Variants in SORCS3 observed in about 807,000 individuals in gnomAD.
SORCS3 encodes VPS10 domain-containing receptor SorCS3.
A neutral mutation model predicts 146.3 loss-of-function variants in SORCS3; 57 were observed. The ratio of observed to expected loss-of-function variants is 0.39; its 90% confidence interval spans 0.31 to 0.49. SORCS3 has a LOEUF of 0.49. Ranked by LOEUF, SORCS3 falls within the 20% of genes least tolerant of loss-of-function variation. The probability of loss-of-function intolerance (pLI) is 0.92; values close to 1 mark genes in which losing one functional copy is unlikely to be tolerated. For synonymous variants in SORCS3, 653 were observed against 618.5 expected (o/e 1.06, Z -0.83); for missense variants, 1,341 against 1,575.5 (o/e 0.85, Z 2.52).
intron 1 of SORCS3, among the ~76,000 whole-genome samples, chr10:104,775,436 C>G (rs1164602902): frequency 1.3e-5 from 2 of 152,144 alleles, no homozygotes; most frequent in African/African-American, 4.8e-5. Flanking sequence ...TTCCTGCTTG[C>G]AAGACATCTG....
intron 1 of SORCS3, among the ~76,000 whole-genome samples, chr10:104,719,425 T>C (rs2016517829): frequency 1.3e-5 from 2 of 152,208 alleles, no homozygotes; most frequent in African/African-American, 4.8e-5. Context: ...AGCTATGTCT[T>C]TTTACTTCCG....
In SORCS3 at chr10:104,862,749, G is replaced by GT. The variant is rs1040595750; in HGVS notation, c.695+19897dup. Among the ~76,000 whole-genome samples, 6 of 152,106 alleles carry GT rather than the reference G, an allele frequency of 3.9e-5. 1 individual carries two copies. The highest frequency in any genetic ancestry group is 4.2e-4 in the South Asian group (2 of 4,816). ...CAGATGCCAATATTCCCCTCATTCA[G>GT]TTTTTTTACCTGTTATCATAGTATT... is the stretch of plus-strand genomic sequence containing the variant. On this transcript the variant is annotated intron_variant, in intron 2 of 26. Coordinates refer to ENST00000369701, the MANE Select transcript of SORCS3 (RefSeq NM_014978.3).
intron 1 of SORCS3, among the ~76,000 whole-genome samples, chr10:104,683,306 A>G (rs1413596855): frequency 6.6e-6 from 1 of 152,196 alleles, no homozygotes; most frequent in Admixed American, 6.5e-5. Context: ...TAGAGACAGG[A>G]TACACTTCTC....
chr10:105,126,735 G>A (rs556376762), intron 7 of SORCS3, among the ~76,000 whole-genome samples: 1 of 152,224 alleles, frequency 6.6e-6, no homozygotes, highest in East Asian at 1.9e-4. Flanking sequence ...CCCTTACTTA[G>A]TTGTCCCCTT....
intron 7 of SORCS3, among the ~76,000 whole-genome samples, chr10:105,112,164 C>G (rs1205835436): frequency 6.6e-6 from 1 of 152,082 alleles, no homozygotes; most frequent in Non-Finnish European, 1.5e-5. Context: ...TTATGCTTTG[C>G]CATAGGCCAT....
intron 3 of SORCS3, among the ~76,000 whole-genome samples, chr10:104,976,624 C>T (rs937209162): frequency 2.0e-5 from 3 of 152,242 alleles, no homozygotes; most frequent in Non-Finnish European, 2.9e-5. Context: ...ATGTTTATTG[C>T]AGCACTATTC....
chr10:105,069,462 C>T (rs766184918), intron 5 of SORCS3, among the ~76,000 whole-genome samples: 8 of 152,084 alleles, frequency 5.3e-5, no homozygotes, highest in African/African-American at 1.7e-4. Flanking sequence ...AGCCTAATGT[C>T]GATAATAATG....
intron 1 of SORCS3, among the ~76,000 whole-genome samples, chr10:104,646,726 T>C (rs2015499786): frequency 6.6e-6 from 1 of 152,112 alleles, no homozygotes; most frequent in Admixed American, 6.5e-5. Context: ...AAAGGAGGAT[T>C]CTGCAGTAAG....
intron 5 of SORCS3, among the ~76,000 whole-genome samples, chr10:105,087,521 C>T (rs1456787664): frequency 1.3e-5 from 2 of 151,040 alleles, no homozygotes; most frequent in Non-Finnish European, 2.9e-5. Context: ...AACCGGGTGG[C>T]TTCAGAACAA....
intron 1 of SORCS3, among the ~76,000 whole-genome samples, chr10:104,742,533 G>A (rs1211537045): frequency 6.6e-6 from 1 of 152,188 alleles, no homozygotes; most frequent in Non-Finnish European, 1.5e-5. Context: ...TGTCCAGTGG[G>A]TAGTGGTAAC....
At chr10:105,211,858 G>A (rs2056636103) in intron 17 of SORCS3, among the ~76,000 whole-genome samples, 1 of 152,182 alleles carries the variant, frequency 6.6e-6, no homozygotes, top group African/African-American at 2.4e-5. Context: ...AAGTGGATGG[G>A]TGGTCTAAGA....
chr10:104,730,681 C>G (rs1419305212), intron 1 of SORCS3, among the ~76,000 whole-genome samples: 1 of 152,236 alleles, frequency 6.6e-6, no homozygotes, highest in Non-Finnish European at 1.5e-5. Context: ...TTAATTGACT[C>G]ACAGTTCCAC....
chr10:104,876,082 A>T (rs1289215089), intron 2 of SORCS3, among the ~76,000 whole-genome samples: 3 of 152,124 alleles, frequency 2.0e-5, no homozygotes, highest in Non-Finnish European at 4.4e-5. Flanking sequence ...TGTATTTCTC[A>T]CCTTGACATG....
chr10:105,198,126 T>C (rs573700639), intron 14 of SORCS3, among the ~76,000 whole-genome samples: 1 of 152,320 alleles, frequency 6.6e-6, no homozygotes, highest in East Asian at 1.9e-4. Flanking sequence ...AGGTAAATCA[T>C]GTGCTTCACA....
intron 19 of SORCS3, among the ~76,000 whole-genome samples, chr10:105,220,846 C>A (rs2056697112): frequency 1.3e-5 from 2 of 150,728 alleles, no homozygotes; most frequent in Admixed American, 6.6e-5. Flanking sequence ...TATTTTCCCA[C>A]ATCTAGTGCC....
chr10:104,783,282 G>A (rs2017395471), intron 1 of SORCS3, among the ~76,000 whole-genome samples: 1 of 152,144 alleles, frequency 6.6e-6, no homozygotes, highest in Non-Finnish European at 1.5e-5. Context: ...GCTGTTTCCT[G>A]TTCTCAATAG....
At chr10:105,118,305 C>G (rs773367244) in intron 7 of SORCS3, among the ~76,000 whole-genome samples, 7 of 152,138 alleles carry the variant, frequency 4.6e-5, no homozygotes, top group Non-Finnish European at 1.5e-5. Context: ...GAAGAAGGTG[C>G]CTTTCTTCCC....
chr10:104,673,422 G>T (rs1348183628), intron 1 of SORCS3, among the ~76,000 whole-genome samples: 3 of 148,546 alleles, frequency 2.0e-5, no homozygotes, highest in African/African-American at 7.4e-5. Flanking sequence ...TTATTTCCGT[G>T]TGTGTGTGTG....
At position 105,214,671 on chromosome 10, in the gene SORCS3, GGAA is replaced by G. The variant is rs1320605833; in HGVS notation, c.2547+67_2547+69del. The G allele has an allele frequency of 1.0e-5, 15 of 1,453,902 alleles. No individual in the cohort carries two copies. In the South Asian group the frequency reaches 1.1e-4, roughly 11 times the overall value. The allele number at this position is 1,453,902 out of a possible 1,614,324, so 90.1% of individuals were successfully genotyped here. ...CTCCCAACCAGACCATTCCCAGAAG[GGAA>G]GAAGAAGATCTTACATTCCCACAGA... is the stretch of plus-strand genomic sequence containing the variant. On this transcript the variant is annotated intron_variant, in intron 18 of 26. Transcript: ENST00000369701.
Sources: gnomAD v4.1 joint callset for allele counts (sites outside exome capture counted in the v4.1 genomes callset) on GRCh38, gnomAD v4.1.1 for gene constraint, MANE v1.5 for transcripts, NCBI Gene and HGNC (gene_info 2026-07-23, HGNC 2026-07-21) for gene names.